Variants in ZNF69 observed in about 807,000 individuals in gnomAD.
The protein encoded by ZNF69 is zinc finger protein 69, also known as ZNF3.
ZNF69 carries 47 observed loss-of-function variants against 50.9 expected under a neutral mutation model. The ratio of observed to expected loss-of-function variants is 0.92; its 90% CI spans 0.73 to 1.18. The LOEUF is 1.18. Among genes scored for constraint, ZNF69 ranks in the 50% most tolerant of loss-of-function variants. ZNF69 has a pLI of 0.00. For synonymous variants in ZNF69, 216 were observed against 223.1 expected (o/e 0.97, Z 0.29); for missense variants, 717 against 675.1 (o/e 1.06, Z -0.69).
chr19:11,938,092 G>A, the ZNF69 span, among the ~76,000 whole-genome samples: 1,083 of 151,104 alleles, frequency 7.2e-3, 21 homozygotes, highest in African/African-American at 0.025. Flanking sequence ...GTTTGGAGAC[G>A]GAGTCTCACT....
At chr19:11,961,376 A>ATC in the ZNF69 span, among the ~76,000 whole-genome samples, 1 of 152,218 alleles carries the variant, frequency 6.6e-6, no homozygotes, top group African/African-American at 2.4e-5. Flanking sequence ...TGTGAGAAAC[A>ATC]AATTTCTGCT....
the ZNF69 span, among the ~76,000 whole-genome samples, chr19:11,969,035 C>T: frequency 6.6e-6 from 1 of 152,264 alleles, no homozygotes; most frequent in Non-Finnish European, 1.5e-5. Context: ...TGACTCAACC[C>T]CATGATCACA....
the ZNF69 span, among the ~76,000 whole-genome samples, chr19:11,941,610 C>T: frequency 6.6e-6 from 1 of 152,210 alleles, no homozygotes; most frequent in Non-Finnish European, 1.5e-5. Flanking sequence ...GCCAAGCCCA[C>T]GCCCACCCAG....
chr19:11,908,825 G>A (rs1245414984), downstream of ZNF69, among the ~76,000 whole-genome samples: 1 of 152,136 alleles, frequency 6.6e-6, no homozygotes, highest in African/African-American at 2.4e-5. Flanking sequence ...TAAGATCAGA[G>A]CAGAACTGAA....
the ZNF69 span, among the ~76,000 whole-genome samples, chr19:11,933,013 CTTAT>C: frequency 2.0e-5 from 3 of 148,424 alleles, no homozygotes; most frequent in Non-Finnish European, 2.9e-5. Flanking sequence ...AATTCACTTT[CTTAT>C]TTAGTTGATT....
Position 11,887,956 on chromosome 19 carries a change from G to GGA in ZNF69, c.34_35dup (p.Asp12GlufsTer21). On this transcript the variant is annotated frameshift_variant, in exon 1 of 4. Coordinates refer to ENST00000429654, the MANE Select transcript of ZNF69 (RefSeq NM_001364730.1). LOFTEE classifies it high-confidence loss of function. ...GCTGTAGTCACAGGAGGTGTAGAGAGGACCCCGGGACATCTGAAAGCCAGG... is the reference window on the plus strand; with the variant it reads ...GCTGTAGTCACAGGAGGTGTAGAGAGGAGACCCCGGGACATCTGAAAGCCAGG... 1 of 1,612,802 alleles carries GGA rather than the reference G, an allele frequency of 6.2e-7. No homozygotes were observed.
At chr19:11,962,092 G>A in the ZNF69 span, among the ~76,000 whole-genome samples, 1 of 152,152 alleles carries the variant, frequency 6.6e-6, no homozygotes, top group Non-Finnish European at 1.5e-5. Context: ...TGGGATTAAG[G>A]CGTAAGAAAC....
At chr19:11,939,515 C>A in the ZNF69 span, among the ~76,000 whole-genome samples, 1 of 152,104 alleles carries the variant, frequency 6.6e-6, no homozygotes. Flanking sequence ...TTGTCAGGTT[C>A]GTCAAAGATC....
At chr19:11,978,390 C>T in the ZNF69 span, 1 of 1,614,184 alleles carries the variant, frequency 6.2e-7, no homozygotes, top group Non-Finnish European at 8.5e-7. Context: ...CTTCAGATAT[C>T]ACCCCTCCTT....
At position 11,904,969 on chromosome 19, in the gene ZNF69, C is replaced by A; in HGVS notation, c.572C>A (p.Pro191His). 1 of 1,614,146 alleles carries A rather than the reference C, an allele frequency of 6.2e-7. No homozygotes were observed. Among genetic ancestry groups the A allele is most frequent in the Non-Finnish European group, 8.5e-7 (1 of 1,180,016 alleles). ...CAAAGGGATCACACTGGAGAGAAAC[C>A]CTATGCTTGTAAAGAATGTGGAAAA... The part of the protein sequence containing the change: ...TPQRDHTGEK[P>H]YACKECGKTF... Residue 191 changes from proline to histidine, a missense_variant, in exon 4 of 4, where the codon CCC becomes CAC. By Grantham distance (77) the Pro-to-His change is moderately conservative. Coordinates refer to ENST00000429654, the MANE Select transcript of ZNF69 (RefSeq NM_001364730.1).
the ZNF69 span, chr19:11,947,467 A>T: frequency 6.2e-7 from 1 of 1,602,544 alleles, no homozygotes; most frequent in Non-Finnish European, 8.5e-7. Context: ...TAATTTTTTC[A>T]CAATTTTATA....
the ZNF69 span, chr19:11,950,747 A>G: frequency 4.9e-6 from 1 of 205,584 alleles, no homozygotes; most frequent in East Asian, 1.5e-4. Context: ...AAAATATCCC[A>G]TTGGTTTTAT....
the ZNF69 span, among the ~76,000 whole-genome samples, chr19:11,923,791 G>C: frequency 0.28 from 42,424 of 152,166 alleles, 6,230 homozygotes; most frequent in Non-Finnish European, 0.3. Context: ...CTAATCGATG[G>C]GGTGAGAAGT....
downstream of ZNF69, among the ~76,000 whole-genome samples, chr19:11,909,361 C>T (rs1972424705): frequency 6.6e-6 from 1 of 152,012 alleles, no homozygotes; most frequent in African/African-American, 2.4e-5. Flanking sequence ...CTGGCAGAGA[C>T]ACAACAAAAA....
the ZNF69 span, among the ~76,000 whole-genome samples, chr19:11,941,283 C>T: frequency 2.1e-4 from 32 of 152,262 alleles, no homozygotes; most frequent in African/African-American, 5.1e-4. Flanking sequence ...GCCAGTCCCG[C>T]GCCATGCGCC....
At chr19:11,930,948 G>A in the ZNF69 span, among the ~76,000 whole-genome samples, 2 of 146,298 alleles carry the variant, frequency 1.4e-5, no homozygotes, top group East Asian at 1.9e-4. Flanking sequence ...GCAGTGAGCC[G>A]AGATTGCGCC....
the ZNF69 span, among the ~76,000 whole-genome samples, chr19:11,961,922 T>TAC: frequency 0.31 from 44,356 of 144,886 alleles, 7,253 homozygotes; most frequent in Non-Finnish European, 0.39. Flanking sequence ...TGGCCTCTTT[T>TAC]ACACACACAC....
chr19:11,907,266 G>A (rs1972392340), downstream of ZNF69, among the ~76,000 whole-genome samples: 1 of 152,196 alleles, frequency 6.6e-6, no homozygotes, highest in Non-Finnish European at 1.5e-5. Context: ...TATTATTCAG[G>A]AGAACTTCCC....
At chr19:11,946,471 A>C in the ZNF69 span, among the ~76,000 whole-genome samples, 2 of 152,236 alleles carry the variant, frequency 1.3e-5, no homozygotes, top group South Asian at 2.1e-4. Flanking sequence ...CTCATTGGCT[A>C]TCTGTCCCTT....
Sources: allele counts gnomAD v4.1 joint callset (sites outside exome capture counted in the v4.1 genomes callset), GRCh38; gene constraint gnomAD v4.1.1; transcripts MANE v1.5; gene names NCBI Gene and HGNC (gene_info 2026-07-23, HGNC 2026-07-21).